POTEC: variants seen among roughly 807,000 people sequenced by gnomAD.
POTEC encodes POTE ankyrin domain family member C, also known as ANKRD26-like family B member 2.
POTEC carries 35 observed loss-of-function variants against 62.0 expected under a neutral mutation model. The ratio of observed to expected loss-of-function variants is 0.56; its 90% confidence interval spans 0.43 to 0.75. The LOEUF is 0.75. Among genes scored for constraint, POTEC ranks in the 30% least tolerant of loss-of-function variants. POTEC has a pLI of 0.00. For missense variants in POTEC, 472 were observed against 655.9 expected, an observed-to-expected ratio of 0.72 and a Z score of 3.06; for synonymous variants, 156 against 221.5, an observed-to-expected ratio of 0.70 and a Z score of 2.62.
intron 3 of POTEC, among the ~76,000 whole-genome samples, chr18:14,536,728 A>C (rs946976639): frequency 6.6e-6 from 1 of 152,158 alleles, no homozygotes; most frequent in Non-Finnish European, 1.5e-5. Context: ...AATTCCCTTT[A>C]TCATTTGAGG....
rs1158528198 is a variant in POTEC, at chr18:14,508,069, T to C, written c.*3829A>G. The C allele has an allele frequency of 1.3e-5, 2 of 152,180 alleles. No individual in the cohort carries two copies. The highest frequency in any genetic ancestry group is 1.3e-4 in the Admixed American group (2 of 15,280). The allele number at this position is 152,180 out of a possible 1,614,324, so 9.4% of individuals were successfully genotyped here. On this transcript the variant is annotated 3_prime_UTR_variant, in exon 11 of 11. Coordinates refer to ENST00000358970, the MANE Select transcript of POTEC (RefSeq NM_001137671.2). The stretch of plus-strand genomic sequence containing the variant: ...GGGGATGATCTTCTCATGGCATATC[T>C]TACTGAGGTTCTCTGGATTTCCTGA...
intron 5 of POTEC, 88 bp from the exon 6 acceptor site, chr18:14,530,641 A>G (rs1905479093): frequency 9.8e-7 from 1 of 1,020,366 alleles, no homozygotes; most frequent in Non-Finnish European, 1.4e-6. Flanking sequence ...AGAGTATTTC[A>G]AACAATATCA....
rs1191733445 is a variant in POTEC at position 14,513,688 on chromosome 18, C to A, written c.1507G>T (p.Val503Leu). The change falls in exon 10 of 11, where the codon GTG becomes TTG. Residue 503 changes from valine to leucine, a missense_variant. Val to Leu is a conservative substitution (Grantham distance 32). Coordinates refer to ENST00000358970, the MANE Select transcript of POTEC (RefSeq NM_001137671.2). ...TCAGAATTCATTTTCTTTTCAGCCA[C>A]TTCTATCTGCTTTTGTTTATTAGTC... The part of the protein sequence containing the change: ...ILTNKQKQIE[V>L]AEKKMNSELS... The A allele has an allele frequency of 3.3e-5, 53 of 1,611,720 alleles. No homozygotes were observed. Among genetic ancestry groups the A allele is most frequent in the Non-Finnish European group, 4.3e-5 (51 of 1,179,824 alleles).
At chr18:14,514,570 T>C (rs1409433505) in intron 9 of POTEC, among the ~76,000 whole-genome samples, 2 of 152,222 alleles carry the variant, frequency 1.3e-5, no homozygotes, top group African/African-American at 4.8e-5. Flanking sequence ...GGGTCTAATA[T>C]TGTGTTTTTA....
At chr18:14,541,057 A>G (rs544076421) in intron 1 of POTEC, among the ~76,000 whole-genome samples, 8 of 152,124 alleles carry the variant, frequency 5.3e-5, no homozygotes, top group African/African-American at 1.9e-4. Context: ...TGCCCAGCTA[A>G]TTCTTTGTAT....
At chr18:14,523,973 A>T (rs1910373496) in intron 7 of POTEC, among the ~76,000 whole-genome samples, 3 of 152,186 alleles carry the variant, frequency 2.0e-5, no homozygotes, top group Admixed American at 1.3e-4. Context: ...TTTTTAAAAG[A>T]TTCCTAATTG....
chr18:14,529,137 T>C (rs951336192), intron 6 of POTEC: 1 of 377,878 alleles, frequency 2.6e-6, no homozygotes, highest in Non-Finnish European at 5.1e-6. Context: ...GTCTGGCACA[T>C]AATTAATATA....
chr18:14,538,688 C>T (rs1905833226), intron 1 of POTEC, among the ~76,000 whole-genome samples: 1 of 152,014 alleles, frequency 6.6e-6, no homozygotes, highest in Admixed American at 6.6e-5. Context: ...TTTACTAATA[C>T]CACTAAAGAC....
At chr18:14,513,871 A>G in intron 9 of POTEC, 86 bp from the exon 10 acceptor site, 1 of 1,595,712 alleles carries the variant, frequency 6.3e-7, no homozygotes. Flanking sequence ...GATGTCATTC[A>G]CACAATGCAT....
chr18:14,514,856 C>T (rs1381321864), intron 9 of POTEC, among the ~76,000 whole-genome samples: 2 of 152,080 alleles, frequency 1.3e-5, no homozygotes, highest in Non-Finnish European at 1.5e-5. Context: ...TTAGTAAAGT[C>T]TCAGAGGTTA....
chr18:14,526,299 C>A (rs1323944685), intron 6 of POTEC, among the ~76,000 whole-genome samples: 1 of 152,104 alleles, frequency 6.6e-6, no homozygotes, highest in Non-Finnish European at 1.5e-5. Flanking sequence ...AGCCTTAGGA[C>A]CTCACTGATT....
intron 9 of POTEC, among the ~76,000 whole-genome samples, chr18:14,519,951 G>T (rs1197885826): frequency 7.9e-5 from 12 of 152,090 alleles, no homozygotes; most frequent in Non-Finnish European, 4.4e-5. Flanking sequence ...TAAATAAAAT[G>T]AGGTGGAAGA....
chr18:14,516,334 A>G (rs201723401), intron 9 of POTEC, among the ~76,000 whole-genome samples: 1 of 73,592 alleles, frequency 1.4e-5, no homozygotes, highest in African/African-American at 6.3e-5. Context: ...ATATATATAT[A>G]TACCTATACC....
At chr18:14,524,855 T>C in intron 7 of POTEC, 58 bp downstream of exon 7, 1 of 1,581,230 alleles carries the variant, frequency 6.3e-7, no homozygotes, top group Non-Finnish European at 8.6e-7. Flanking sequence ...CTATCTAATA[T>C]CGTTAAAGCA....
chr18:14,513,277 T>C (rs147977901), intron 10 of POTEC, among the ~76,000 whole-genome samples: 2,082 of 152,230 alleles, frequency 0.014, 51 homozygotes, highest in African/African-American at 0.048. Flanking sequence ...CAAACTGACT[T>C]CTCTATTAAT....
intron 3 of POTEC, among the ~76,000 whole-genome samples, chr18:14,536,180 G>A (rs1905707042): frequency 6.7e-6 from 1 of 150,338 alleles, no homozygotes; most frequent in African/African-American, 2.5e-5. Flanking sequence ...ATCTGTGACC[G>A]CATCACTGCA....
intron 3 of POTEC, 54 bp downstream of exon 3, chr18:14,537,747 A>G: frequency 6.3e-7 from 1 of 1,598,868 alleles, no homozygotes; most frequent in Admixed American, 1.7e-5. Flanking sequence ...ACACAGGTCA[A>G]TGTTAACACG....
chr18:14,514,470 T>C (rs1413338327), intron 9 of POTEC, among the ~76,000 whole-genome samples: 2 of 152,230 alleles, frequency 1.3e-5, no homozygotes, highest in Non-Finnish European at 2.9e-5. Context: ...CCAAACTTTT[T>C]ATGTTTATTT....
rs1034452517 is a variant in POTEC at position 14,538,243 on chromosome 18, A to T, written c.528T>A (p.Ala176=). Residue 176 remains alanine, a synonymous_variant, in exon 2 of 11, where the codon GCT becomes GCA. Coordinates refer to ENST00000358970, the MANE Select transcript of POTEC (RefSeq NM_001137671.2). ...TTCCATTGGCAGAGGCCAAATGTAG[A>T]GCAGTCCTATGAGAGTGAGAAGACT... ...MNKRDKQKRT[A]LHLASANGNS... is the part of the protein sequence containing the mutation. 2.5e-6 allele frequency: 4 copies of T among 1,608,342 alleles called. No homozygotes were observed. The African/African-American group carries it at 5.4e-5, about 22-fold the overall frequency.
Sources: gnomAD v4.1 joint callset for allele counts (sites outside exome capture counted in the v4.1 genomes callset) on GRCh38, gnomAD v4.1.1 for gene constraint, MANE v1.5 for transcripts, NCBI Gene and HGNC (gene_info 2026-07-23, HGNC 2026-07-21) for gene names.